DCP1B: variants seen among roughly 807,000 people sequenced by gnomAD.
DCP1B encodes the protein decapping mRNA 1B.
In DCP1B, 47 loss-of-function variants were observed where a neutral mutation model predicts 60.5. That is an observed-to-expected ratio of 0.78 (90% CI 0.61 to 0.99). The LOEUF is 0.99. Ranked by LOEUF, DCP1B falls within the 50% of genes least tolerant of loss-of-function variation. DCP1B has a pLI of 0.00. For missense variants in DCP1B, 725 were observed against 756.8 expected (o/e 0.96, Z 0.49); for synonymous variants, 267 against 280.3 (o/e 0.95, Z 0.47).
At chr12:1,944,663 G>C (rs1186495713), downstream of DCP1B, among the ~76,000 whole-genome samples, 1 of 152,152 alleles carries the variant, frequency 6.6e-6, no homozygotes, top group East Asian at 1.9e-4. Context: ...TGACAAACCT[G>C]ACAAAAACAA....
chr12:1,984,778 T>TTAAAAAA (rs1230989393), intron 3 of DCP1B, among the ~76,000 whole-genome samples: 1 of 81,346 alleles, frequency 1.2e-5, no homozygotes, highest in Non-Finnish European at 2.3e-5. Context: ...GGTCTTCTGG[T>TTAAAAAA]AAAAAAAAAA....
intron 4 of DCP1B, among the ~76,000 whole-genome samples, chr12:1,967,609 T>C (rs1433433375): frequency 6.6e-6 from 1 of 152,234 alleles, no homozygotes; most frequent in Non-Finnish European, 1.5e-5. Flanking sequence ...CATATATATT[T>C]CACACACAGG....
chr12:1,981,020 T>A (rs757051288), intron 3 of DCP1B, among the ~76,000 whole-genome samples: 10 of 152,162 alleles, frequency 6.6e-5, no homozygotes, highest in Non-Finnish European at 8.8e-5. Context: ...TTATACATCA[T>A]CTTGTTCACA....
intron 4 of DCP1B, 97 bp from the exon 5 acceptor site, chr12:1,965,790 G>A: frequency 1.5e-6 from 2 of 1,359,256 alleles, no homozygotes; most frequent in East Asian, 2.8e-5. Context: ...TTTTCATCCT[G>A]TTACAACCAT....
chr12:1,966,817 T>G (rs573451866), intron 4 of DCP1B, among the ~76,000 whole-genome samples: 2 of 152,376 alleles, frequency 1.3e-5, no homozygotes, highest in South Asian at 4.1e-4. Flanking sequence ...ATTAGCTACC[T>G]CTAGCTAGAC....
At chr12:1,998,091 C>G in intron 1 of DCP1B, 116 bp from the exon 2 acceptor site, 1 of 775,600 alleles carries the variant, frequency 1.3e-6, no homozygotes, top group South Asian at 2.1e-5. Context: ...CAAATATACC[C>G]AACATGAGGA....
intron 3 of DCP1B, chr12:1,991,281 A>G (rs1316300411): frequency 2.2e-6 from 1 of 454,726 alleles, no homozygotes; most frequent in South Asian, 1.6e-5. Flanking sequence ...TACTCCACAA[A>G]ATTGTGATTA....
chr12:2,000,491 G>A (rs1227240521), intron 1 of DCP1B, among the ~76,000 whole-genome samples: 2 of 150,034 alleles, frequency 1.3e-5, no homozygotes, highest in Admixed American at 1.3e-4. Context: ...AACCTTTAAT[G>A]CCACATTTTA....
At chr12:2,001,789 T>C (rs1006707180) in intron 1 of DCP1B, among the ~76,000 whole-genome samples, 6 of 152,240 alleles carry the variant, frequency 3.9e-5, no homozygotes, top group African/African-American at 1.4e-4. Flanking sequence ...TTAGTCACTT[T>C]AGGGCAGTTT....
intron 3 of DCP1B, among the ~76,000 whole-genome samples, chr12:1,970,240 T>C (rs978844917): frequency 6.6e-6 from 1 of 152,060 alleles, no homozygotes; most frequent in Non-Finnish European, 1.5e-5. Flanking sequence ...CAAAGCAAAA[T>C]GAAGGAAAGA....
intron 3 of DCP1B, among the ~76,000 whole-genome samples, chr12:1,990,704 G>A (rs1419777123): frequency 1.3e-5 from 2 of 152,106 alleles, no homozygotes; most frequent in Non-Finnish European, 2.9e-5. Context: ...AATATCTTGA[G>A]GAAATAGTCT....
intron 2 of DCP1B, among the ~76,000 whole-genome samples, chr12:1,997,075 T>C (rs2041108856): frequency 6.6e-6 from 1 of 151,872 alleles, no homozygotes; most frequent in Non-Finnish European, 1.5e-5. Flanking sequence ...TGTCTCTATA[T>C]GCACTCGTAA....
chr12:1,996,048 G>C (rs540179954), intron 2 of DCP1B, among the ~76,000 whole-genome samples: 3 of 152,096 alleles, frequency 2.0e-5, no homozygotes, highest in South Asian at 4.1e-4. Context: ...TCAAAATATT[G>C]TCATTTTTAA....
chr12:1,993,367 G>A lies in DCP1B; in HGVS notation c.216C>T (p.Phe72=). The change falls in exon 3 of 9, where the codon TTC becomes TTT. Residue 72 remains phenylalanine, a synonymous_variant. Transcript: ENST00000280665. ...CCATGCTCAGCCTATTCATAATGGT[G>A]AATCCATGCTTTGGAGAAGCAGACC... The part of the protein sequence containing the change: ...YTRSASPKHG[F]TIMNRLSMEN... 2 of 1,612,842 alleles carry A rather than the reference G, an allele frequency of 1.2e-6. No individual in the cohort carries two copies. The highest frequency in any genetic ancestry group is 1.7e-6 in the Non-Finnish European group (2 of 1,179,078).
At chr12:1,961,884 G>C (rs1289352741) in intron 5 of DCP1B, among the ~76,000 whole-genome samples, 3 of 152,204 alleles carry the variant, frequency 2.0e-5, no homozygotes, top group Non-Finnish European at 4.4e-5. Context: ...GAGAGAGACA[G>C]AGAATGTGTG....
Position 1,948,960 on chromosome 12 carries a change from G to A in DCP1B, c.1773+126C>T, listed in dbSNP as rs923895125. 8 of 1,288,624 alleles carry A rather than the reference G, an allele frequency of 6.2e-6. No individual in the cohort carries two copies. Among genetic ancestry groups the A allele is most frequent in the Middle Eastern group, 5.5e-4 (2 of 3,620 alleles). The allele number at this position is 1,288,624 out of a possible 1,614,324, so 79.8% of individuals were successfully genotyped here. ...ACAGAAGCCGCTGGGGTCAGGATGA[G>A]TTGTTACACACACCTGTTATTCTCA... On this transcript the variant is annotated intron_variant, in intron 8 of 8. Coordinates refer to ENST00000280665, the MANE Select transcript of DCP1B (RefSeq NM_152640.5). This position sits in a 1 kb window ranked among gnomAD's most constrained non-coding sequence, Gnocchi z 4.8.
rs776279705 is a variant in DCP1B at position 1,946,324 on chromosome 12, T to C, written c.1774-38A>G. On this transcript the variant is annotated intron_variant, in intron 8 of 8. Transcript: ENST00000280665. ...TCGAAAGACCCAAGAGAATGTTACT[T>C]GGTTGGCAGACACAAAAGGCTTCCT... 9 of 1,545,800 alleles carry C rather than the reference T, an allele frequency of 5.8e-6. No individual in the cohort carries two copies. The South Asian group carries it at 1.1e-4, about 19-fold the overall frequency.
At chr12:1,972,662 C>G (rs1412134073) in intron 3 of DCP1B, among the ~76,000 whole-genome samples, 9 of 152,122 alleles carry the variant, frequency 5.9e-5, no homozygotes, top group Admixed American at 5.9e-4. Flanking sequence ...CTTCTCCCAG[C>G]CTTTCAAATG....
At position 1,946,197 on chromosome 12, in the gene DCP1B, G is replaced by C. The variant is rs781409265; in HGVS notation, c.*9C>G. 1 of 1,580,866 alleles carries C rather than the reference G, an allele frequency of 6.3e-7. No individual in the cohort carries two copies. Among genetic ancestry groups the C allele is most frequent in the South Asian group, 1.2e-5 (1 of 83,244 alleles). Reference sequence around the variant, plus strand: ...GGACCTTGAAAATCAGTTTTAAAAGGCCTTGCTGTCACATAGTCTTTTTCA... The same window carrying C: ...GGACCTTGAAAATCAGTTTTAAAAGCCCTTGCTGTCACATAGTCTTTTTCA... On this transcript the variant is annotated 3_prime_UTR_variant, in exon 9 of 9. Transcript: ENST00000280665.
Sources: allele counts gnomAD v4.1 joint callset (sites outside exome capture counted in the v4.1 genomes callset), GRCh38; gene constraint gnomAD v4.1.1; non-coding constraint Gnocchi (gnomAD v3.1); transcripts MANE v1.5; gene names NCBI Gene and HGNC (gene_info 2026-07-23, HGNC 2026-07-21).